WDR7: variants seen among roughly 807,000 people sequenced by gnomAD.
WDR7 encodes WD repeat domain 7, also known as WD repeat-containing protein 7.
Under a neutral mutation model 169.4 loss-of-function variants are expected in WDR7, and 46 were observed. The ratio of observed to expected loss-of-function variants is 0.27; its 90% CI spans 0.21 to 0.35. The LOEUF is 0.35. Ranked by LOEUF, WDR7 falls within the 10% of genes least tolerant of loss-of-function variation. WDR7 has a pLI of 1.00. For synonymous variants in WDR7, 612 were observed against 666.8 expected (o/e 0.92, Z 1.27); for missense variants, 1,534 against 1,859.3 (o/e 0.83, Z 3.22).
At chr18:56,788,623 G>T (rs1167702062) in intron 19 of WDR7, among the ~76,000 whole-genome samples, 1 of 152,014 alleles carries the variant, frequency 6.6e-6, no homozygotes, top group Non-Finnish European at 1.5e-5. Flanking sequence ...TATCTCCTTT[G>T]TGGTATTCTG....
intron 22 of WDR7, among the ~76,000 whole-genome samples, chr18:56,927,355 C>T (rs2046822199): frequency 6.6e-6 from 1 of 151,992 alleles, no homozygotes; most frequent in Admixed American, 6.6e-5. Context: ...GCTTGTAATC[C>T]CAGCACTTTG....
intron 26 of WDR7, among the ~76,000 whole-genome samples, chr18:57,004,033 G>A (rs373459491): frequency 9.2e-5 from 14 of 151,740 alleles, no homozygotes; most frequent in South Asian, 4.2e-4. Flanking sequence ...GTGTGTGTGC[G>A]CGCACACACA....
Position 56,744,972 on chromosome 18 carries a change from G to T in WDR7, c.1990-11611G>T, listed in dbSNP as rs148527273. 4.2e-4 allele frequency among the ~76,000 whole-genome samples: 64 copies of T among 152,264 alleles called. 1 individual carries two copies. In the East Asian group the frequency reaches 0.01, roughly 25 times the overall value. ...GTTGAGTGGAGTGGAAGTTGTGAAAGTCACTATGGCTTTTAGTATTTGGTG... is the reference window on the plus strand; with the variant it reads ...GTTGAGTGGAGTGGAAGTTGTGAAATTCACTATGGCTTTTAGTATTTGGTG... On this transcript the variant is annotated intron_variant, in intron 14 of 27. Transcript: ENST00000254442.
intron 19 of WDR7, among the ~76,000 whole-genome samples, chr18:56,787,878 A>G (rs2044426498): frequency 1.3e-5 from 2 of 152,232 alleles, no homozygotes; most frequent in African/African-American, 4.8e-5. Flanking sequence ...ATATTAGTGT[A>G]TTCTTTGGTA....
At chr18:56,897,177 C>T (rs1437857834) in intron 21 of WDR7, among the ~76,000 whole-genome samples, 1 of 151,850 alleles carries the variant, frequency 6.6e-6, no homozygotes, top group Non-Finnish European at 1.5e-5. Flanking sequence ...GGACTTGGAA[C>T]AACCAGAACT....
chr18:56,657,184 G>C (rs2024794722), intron 1 of WDR7, among the ~76,000 whole-genome samples: 1 of 149,628 alleles, frequency 6.7e-6, no homozygotes, highest in African/African-American at 2.5e-5. Context: ...TTTAGATGGA[G>C]TCTCACTCTG....
chr18:56,730,582 C>G (rs1179904137), intron 13 of WDR7, among the ~76,000 whole-genome samples: 3 of 151,400 alleles, frequency 2.0e-5, no homozygotes, highest in African/African-American at 7.3e-5. Flanking sequence ...CTGGCTAACA[C>G]GGTGAAACCC....
intron 21 of WDR7, among the ~76,000 whole-genome samples, chr18:56,908,450 A>G (rs2046509016): frequency 2.0e-5 from 3 of 152,208 alleles, no homozygotes; most frequent in Admixed American, 6.5e-5. Flanking sequence ...AGAAAACAAT[A>G]TGGTGTATTT....
At chr18:56,671,225 T>C (rs541872413) in intron 1 of WDR7, among the ~76,000 whole-genome samples, 1 of 152,224 alleles carries the variant, frequency 6.6e-6, no homozygotes, top group East Asian at 1.9e-4. Context: ...CAAAAGACTT[T>C]CATGACCTTC....
chr18:56,699,902 C>T (rs984348034), intron 12 of WDR7: 104 of 982,928 alleles, frequency 1.1e-4, no homozygotes, highest in Non-Finnish European at 1.1e-4. Flanking sequence ...TCAAACTCCA[C>T]ATACATGTCA....
At chr18:56,678,167 G>A (rs1001985728) in intron 2 of WDR7, among the ~76,000 whole-genome samples, 10 of 152,072 alleles carry the variant, frequency 6.6e-5, no homozygotes, top group Non-Finnish European at 1.5e-4. Context: ...TTCTTTCTCT[G>A]TGTTATCTTG....
rs1322621469 is a variant in WDR7 at position 56,781,914 on chromosome 18, A to G, written c.3190+258A>G. The G allele has an allele frequency of 1.2e-5, 3 of 260,664 alleles. No individual in the cohort carries two copies. In the East Asian group the frequency reaches 2.2e-4, roughly 19 times the overall value. 16.1% of individuals were successfully genotyped at this position (260,664 alleles called of 1,614,324 possible). On this transcript the variant is annotated intron_variant, in intron 19 of 27. Transcript: ENST00000254442. ...ACTTTTATAAATGAATTCCCCATCAAACATCCTACTCTAGTACTAACATGT... is the reference window on the plus strand; with the variant it reads ...ACTTTTATAAATGAATTCCCCATCAGACATCCTACTCTAGTACTAACATGT...
chr18:56,846,029 T>C (rs944556463), intron 20 of WDR7, among the ~76,000 whole-genome samples: 1 of 152,198 alleles, frequency 6.6e-6, no homozygotes, highest in African/African-American at 2.4e-5. Context: ...CGTTCTTTAT[T>C]GAGAGACTAG....
At position 56,756,755 on chromosome 18, in the gene WDR7, A is replaced by G. The variant is rs1358776001; in HGVS notation, c.2162A>G (p.Gln721Arg). Residue 721 changes from glutamine (Q) to arginine (R), a missense_variant, in exon 15 of 28, where the codon CAA becomes CGA. Gln to Arg is a conservative substitution (Grantham distance 43). Coordinates refer to ENST00000254442, the MANE Select transcript of WDR7 (RefSeq NM_015285.3). ...GCTCTTATTTCCCCAGAGAATTTGC[A>G]AAAAGCATCTGGCAGTTCAGACAAA... is the stretch of plus-strand genomic sequence containing the variant. ...NTALISPENL[Q>R]KASGSSDKGG... 1.9e-6 allele frequency: 3 copies of G among 1,614,054 alleles called. No individual in the cohort carries two copies. Among genetic ancestry groups the G allele is most frequent in the East Asian group, 2.2e-5 (1 of 44,892 alleles).
chr18:56,988,567 GAAGA>G (rs2047759451), intron 26 of WDR7, among the ~76,000 whole-genome samples: 1 of 149,040 alleles, frequency 6.7e-6, no homozygotes, highest in Admixed American at 6.7e-5. Context: ...AGTTTCCTCA[GAAGA>G]AAGACCTCAT....
intron 25 of WDR7, among the ~76,000 whole-genome samples, chr18:56,943,075 G>A (rs866812338): frequency 3.3e-5 from 5 of 152,126 alleles, no homozygotes; most frequent in Non-Finnish European, 5.9e-5. Context: ...AGTTTCACAG[G>A]TCAATGCCAC....
chr18:57,010,411 G>A (rs927467642), intron 26 of WDR7: 7 of 421,162 alleles, frequency 1.7e-5, no homozygotes, highest in African/African-American at 1.5e-4. Context: ...TCATCTTTAA[G>A]TATGGCTGTG....
At chr18:56,723,632 C>T (rs1054515626) in intron 13 of WDR7, among the ~76,000 whole-genome samples, 1 of 151,902 alleles carries the variant, frequency 6.6e-6, no homozygotes, top group Non-Finnish European at 1.5e-5. Context: ...AAATTTTTTC[C>T]TTAATTACTG....
chr18:56,700,294 GT>G (rs1418351291), intron 12 of WDR7, among the ~76,000 whole-genome samples: 9 of 102,244 alleles, frequency 8.8e-5, no homozygotes, highest in African/African-American at 3.4e-4. Context: ...GTCTTACGCT[GT>G]TGCCAGGCTG....
Sources: allele counts gnomAD v4.1 joint callset (sites outside exome capture counted in the v4.1 genomes callset), GRCh38; gene constraint gnomAD v4.1.1; transcripts MANE v1.5; gene names NCBI Gene and HGNC (gene_info 2026-07-23, HGNC 2026-07-21).